The following PRPF6 variants were observed in gnomAD, a reference collection of about 807,000 sequenced individuals.
PRPF6 encodes pre-mRNA processing factor 6.
In PRPF6, 42 loss-of-function variants were observed where a neutral mutation model predicts 118.3. The observed-to-expected ratio is 0.35, with a 90% CI of 0.28 to 0.46. The LOEUF is 0.46. Among genes scored for constraint, PRPF6 ranks in the 20% least tolerant of loss-of-function variants. PRPF6 has a pLI of 1.00. For missense variants in PRPF6, 662 were observed against 1,255.7 expected, an observed-to-expected ratio of 0.53 and a Z score of 7.15; for synonymous variants, 481 against 485.1, an observed-to-expected ratio of 0.99 and a Z score of 0.11.
At position 64,001,230 on chromosome 20, in the gene PRPF6, C is replaced by G; in HGVS notation, c.1177C>G (p.Leu393Val). 1 of 1,614,234 alleles carries G rather than the reference C, an allele frequency of 6.2e-7. No individual in the cohort carries two copies. The highest frequency in any genetic ancestry group is 8.5e-7 in the Non-Finnish European group (1 of 1,180,038). The part of the protein sequence containing the change: ...ETDIRAKKRV[L>V]RKALEHVPNS... ...GGACATTCGTGCAAAGAAGCGGGTT[C>G]TTCGGAAAGGTGAGCCTCCCTCGGA... The change falls in exon 9 of 21, where the codon CTT becomes GTT. Residue 393 changes from leucine (L) to valine (V), a missense_variant. Transcript: ENST00000266079.
At chr20:64,023,577 C>T (rs1369709896) in intron 13 of PRPF6, among the ~76,000 whole-genome samples, 1 of 151,318 alleles carries the variant, frequency 6.6e-6, no homozygotes, top group Non-Finnish European at 1.5e-5. Flanking sequence ...CTTTGCTTTT[C>T]TGGTGTGATT....
intron 13 of PRPF6, 57 bp downstream of exon 13, chr20:64,022,935 T>G (rs201154718): frequency 6.2e-7 from 1 of 1,612,578 alleles, no homozygotes; most frequent in Admixed American, 1.7e-5. Context: ...GCTCCATTTG[T>G]GTAGCCCTGA....
At chr20:64,022,934 G>C in intron 13 of PRPF6, 56 bp downstream of exon 13, 1 of 1,612,524 alleles carries the variant, frequency 6.2e-7, no homozygotes, top group Middle Eastern at 1.7e-4. Flanking sequence ...AGCTCCATTT[G>C]TGTAGCCCTG....
intron 1 of PRPF6, among the ~76,000 whole-genome samples, chr20:63,982,181 A>G (rs183174555): frequency 1.3e-4 from 20 of 152,078 alleles, no homozygotes; most frequent in Admixed American, 5.2e-4. Flanking sequence ...TATTATTATT[A>G]TTATTTTTTG....
Position 64,029,293 on chromosome 20 carries a change from C to T in PRPF6, c.2432-84C>T, listed in dbSNP as rs1018043565. ...GGCCCCTGTCGTGGTCTGAGGACGT[C>T]CCGGGTTAGAATCTGTAGGCTGGGC... On this transcript the variant is annotated intron_variant, in intron 18 of 20. Transcript: ENST00000266079. The surrounding 1 kb of genome is among the most constrained non-coding windows in gnomAD (Gnocchi z 4.8). 2 of 1,263,198 alleles carry T rather than the reference C, an allele frequency of 1.6e-6. No homozygotes were observed. The highest frequency in any genetic ancestry group is 1.5e-5 in the African/African-American group (1 of 68,110). The allele number at this position is 1,263,198 out of a possible 1,614,324, so 78.2% of individuals were successfully genotyped here.
intron 6 of PRPF6, among the ~76,000 whole-genome samples, chr20:63,997,288 CTTTTTTTTTTT>C (rs928046111): frequency 8.9e-6 from 1 of 112,714 alleles, no homozygotes; most frequent in Non-Finnish European, 1.8e-5. Flanking sequence ...TCAGCATGTT[CTTTTTTTTTTT>C]TTTTTTTTTG....
chr20:64,004,655 G>A (rs1434355656), intron 9 of PRPF6, among the ~76,000 whole-genome samples: 2 of 152,158 alleles, frequency 1.3e-5, no homozygotes, highest in Non-Finnish European at 2.9e-5. Flanking sequence ...CTTAGGCATG[G>A]TGCTTGGCCT....
chr20:64,006,316 CT>C (rs5842437), intron 9 of PRPF6, among the ~76,000 whole-genome samples: 87,384 of 102,424 alleles, frequency 0.85, 37,039 homozygotes, highest in East Asian at 0.94. Flanking sequence ...GTAGCTTGCT[CT>C]TTTTTTTTTT....
At position 64,027,787 on chromosome 20, in the gene PRPF6, G is replaced by A. The variant is rs1324477307; in HGVS notation, c.2339+51G>A. On this transcript the variant is annotated intron_variant, in intron 17 of 20. Coordinates refer to ENST00000266079, the MANE Select transcript of PRPF6 (RefSeq NM_012469.4). The surrounding 1 kb of genome is among the most constrained non-coding windows in gnomAD (Gnocchi z 6.5). The stretch of plus-strand genomic sequence containing the variant: ...CCTCTGGGCACAGCTTCCCCATCAG[G>A]TGGGCCGCCGTCACCCAGCTGCTTG... 1 of 1,610,614 alleles carries A rather than the reference G, an allele frequency of 6.2e-7. No homozygotes were observed. Among genetic ancestry groups the A allele is most frequent in the East Asian group, 2.2e-5 (1 of 44,852 alleles).
chr20:64,009,969 A>AC (rs2059208531), intron 9 of PRPF6, among the ~76,000 whole-genome samples: 1 of 152,050 alleles, frequency 6.6e-6, no homozygotes, highest in Non-Finnish European at 1.5e-5. Flanking sequence ...TGTTGATATG[A>AC]CCCTGGCAGT....
chr20:64,010,143 A>G (rs2059209603), intron 9 of PRPF6, 57 bp from the exon 10 acceptor site: 2 of 1,442,716 alleles, frequency 1.4e-6, no homozygotes, highest in Middle Eastern at 1.7e-4. Context: ...TCACCACATG[A>G]GCCTCCTGTT....
At chr20:64,019,745 T>G (rs1456607133) in intron 12 of PRPF6, among the ~76,000 whole-genome samples, 1 of 152,252 alleles carries the variant, frequency 6.6e-6, no homozygotes. Context: ...CAGATGCTCC[T>G]GGTCAGGACA....
chr20:64,022,458 C>G (rs1280374364), intron 12 of PRPF6, among the ~76,000 whole-genome samples: 1 of 152,186 alleles, frequency 6.6e-6, no homozygotes, highest in Non-Finnish European at 1.5e-5. Context: ...CAGGCGCATG[C>G]CACCACGTCT....
intron 6 of PRPF6, among the ~76,000 whole-genome samples, chr20:63,996,139 T>C (rs1215837804): frequency 6.6e-6 from 1 of 151,840 alleles, no homozygotes; most frequent in African/African-American, 2.4e-5. Context: ...AACATACTAC[T>C]TTTGGCCTGG....
intron 9 of PRPF6, among the ~76,000 whole-genome samples, chr20:64,002,645 C>CTT (rs1231191438): frequency 6.1e-5 from 6 of 98,322 alleles, no homozygotes; most frequent in African/African-American, 1.2e-4. Flanking sequence ...CTTTTCTTTT[C>CTT]TTTTTTTTTT....
chr20:63,994,220 C>T (rs1344506020), intron 4 of PRPF6, among the ~76,000 whole-genome samples: 4 of 148,450 alleles, frequency 2.7e-5, no homozygotes, highest in South Asian at 2.1e-4. Context: ...TGCAATGACG[C>T]GATCTCAGCT....
chr20:64,022,664 C>T, intron 12 of PRPF6, 93 bp from the exon 13 acceptor site: 1 of 1,562,944 alleles, frequency 6.4e-7, no homozygotes, highest in Non-Finnish European at 8.8e-7. Flanking sequence ...CAGATATCAT[C>T]TTTCAGAATC....
At chr20:64,008,018 C>A (rs1367627248) in intron 9 of PRPF6, among the ~76,000 whole-genome samples, 1 of 152,228 alleles carries the variant, frequency 6.6e-6, no homozygotes, top group Non-Finnish European at 1.5e-5. Flanking sequence ...CTCAGGTGAT[C>A]TGCCCACTTC....
chr20:64,016,586 C>T, intron 11 of PRPF6, 137 bp from the exon 12 acceptor site: 12 of 1,152,462 alleles, frequency 1.0e-5, no homozygotes. Flanking sequence ...CTCACTTCCT[C>T]AGATCCCCAG....
Sources: allele counts gnomAD v4.1 joint callset (sites outside exome capture counted in the v4.1 genomes callset), GRCh38; gene constraint gnomAD v4.1.1; non-coding constraint Gnocchi (gnomAD v3.1); transcripts MANE v1.5; gene names NCBI Gene and HGNC (gene_info 2026-07-23, HGNC 2026-07-21).